Variants in RIC3 observed in about 807,000 individuals in gnomAD.
The protein encoded by RIC3 is RIC3 acetylcholine receptor chaperone, also known as protein RIC-3.
A neutral mutation model predicts 27.3 loss-of-function variants in RIC3; 28 were observed. That is an observed-to-expected ratio of 1.02 (90% CI 0.76 to 1.41). The LOEUF is 1.41. Among genes scored for constraint, RIC3 ranks in the 40% most tolerant of loss-of-function variants. The pLI is 0.00. For missense variants in RIC3, 501 were observed against 444.7 expected (o/e 1.13, Z -1.14); for synonymous variants, 184 against 160.4 (o/e 1.15, Z -1.11).
At position 8,110,517 on chromosome 11, in the gene RIC3, G is replaced by A; in HGVS notation, c.*181C>T. 1 of 690,592 alleles carries A rather than the reference G, an allele frequency of 1.4e-6. No individual in the cohort carries two copies. Among genetic ancestry groups the A allele is most frequent in the South Asian group, 1.6e-5 (1 of 63,762 alleles). The allele number at this position is 690,592 out of a possible 1,614,324, so 42.8% of individuals were successfully genotyped here. On this transcript the variant is annotated 3_prime_UTR_variant, in exon 6 of 6. Transcript: ENST00000309737. ...GTCCTGTGTTCACACTAATGTCCGT[G>A]TTTTACAAGGTGACAGGTGTGTGAG...
chr11:8,114,463 G>A (rs576441278), intron 5 of RIC3, among the ~76,000 whole-genome samples: 16 of 152,026 alleles, frequency 1.1e-4, no homozygotes, highest in Admixed American at 3.3e-4. Flanking sequence ...AAAATTAGCC[G>A]GGCGTGGTGG....
Position 8,140,027 on chromosome 11 carries a change from C to T in RIC3, c.291G>A (p.Gly97=), listed in dbSNP as rs2133913034. 1 of 1,613,968 alleles carries T rather than the reference C, an allele frequency of 6.2e-7. No homozygotes were observed. Among genetic ancestry groups the T allele is most frequent in the East Asian group, 2.2e-5 (1 of 44,858 alleles). Reference sequence around the variant, plus strand: ...CAAAACCGTAGATTGGAATAATCTGCCCCATCAGACCTCTTCCACTACCTC... The same window carrying T: ...CAAAACCGTAGATTGGAATAATCTGTCCCATCAGACCTCTTCCACTACCTC... The part of the protein sequence containing the change: ...GGGGSGRGLM[G]QIIPIYGFGI... Residue 97 remains glycine (G), a synonymous_variant, in exon 2 of 6, where the codon GGG becomes GGA. Transcript: ENST00000309737.
At chr11:8,104,134 C>T (rs1944421048), downstream of RIC3, 1 of 152,296 alleles carries the variant, frequency 6.6e-6, no homozygotes, top group African/African-American at 2.4e-5. Flanking sequence ...CCCTAGAAAC[C>T]ACCTGGGTTC....
intron 1 of RIC3, among the ~76,000 whole-genome samples, chr11:8,159,864 G>A (rs1185219374): frequency 6.6e-6 from 1 of 151,994 alleles, no homozygotes; most frequent in African/African-American, 2.4e-5. Flanking sequence ...CGTGGTGGTG[G>A]ATGCCTGTAA....
intron 1 of RIC3, among the ~76,000 whole-genome samples, chr11:8,153,947 A>G (rs66904272): frequency 0.071 from 10,880 of 152,270 alleles, 441 homozygotes; most frequent in South Asian, 0.11. Context: ...TGCATTTGGC[A>G]AAGATTTCTC....
the RIC3 span, among the ~76,000 whole-genome samples, chr11:8,093,040 G>A: frequency 1.3e-5 from 2 of 152,152 alleles, no homozygotes; most frequent in African/African-American, 4.8e-5. Context: ...GAGCACAAAT[G>A]GGTGTGGTCC....
At chr11:8,095,472 A>AACTC in the RIC3 span, 1 of 1,584,266 alleles carries the variant, frequency 6.3e-7, no homozygotes, top group Non-Finnish European at 8.6e-7. Flanking sequence ...TCCTGGATGT[A>AACTC]ACTCAGGCGT....
At chr11:8,154,387 A>G (rs1950489420) in intron 1 of RIC3, among the ~76,000 whole-genome samples, 1 of 152,240 alleles carries the variant, frequency 6.6e-6, no homozygotes, top group South Asian at 2.1e-4. Context: ...TATTGTGTAT[A>G]GGCAGTGGTG....
intron 1 of RIC3, among the ~76,000 whole-genome samples, chr11:8,158,526 G>C (rs923662040): frequency 2.6e-5 from 4 of 151,640 alleles, no homozygotes; most frequent in Admixed American, 6.6e-5. Context: ...GCTGACAATG[G>C]AACAACTGAC....
rs1015060113 is a variant in RIC3, at chr11:8,107,484, A to G, written c.*3214T>C. The G allele has an allele frequency of 1.3e-5, 2 of 152,224 alleles. No individual in the cohort carries two copies. The highest frequency in any genetic ancestry group is 4.8e-5 in the African/African-American group (2 of 41,442). The allele number at this position is 152,224 out of a possible 1,614,324, so 9.4% of individuals were successfully genotyped here. On this transcript the variant is annotated 3_prime_UTR_variant, in exon 6 of 6. Transcript: ENST00000309737. ...AGACAGGGGTGACCCTACGTCCAGG[A>G]CAGTCTTAGTTTATGCCTATCACCT... is the stretch of plus-strand genomic sequence containing the variant.
intron 1 of RIC3, among the ~76,000 whole-genome samples, chr11:8,155,532 C>A (rs1390161919): frequency 6.6e-6 from 1 of 151,962 alleles, no homozygotes; most frequent in Admixed American, 6.6e-5. Flanking sequence ...GCCAAAATCG[C>A]GCCACTGCAC....
chr11:8,128,649 G>A (rs553534650), intron 4 of RIC3, among the ~76,000 whole-genome samples: 6 of 151,032 alleles, frequency 4.0e-5, no homozygotes, highest in Non-Finnish European at 7.4e-5. Context: ...CAATAATTAC[G>A]TGTTAGTTTG....
rs1274405311 is a variant in RIC3, at chr11:8,106,468, ATGG to A, written c.*4227_*4229del. The A allele has an allele frequency of 6.6e-6, 1 of 152,224 alleles. No homozygotes were observed. Among genetic ancestry groups the A allele is most frequent in the Non-Finnish European group, 1.5e-5 (1 of 68,044 alleles). 9.4% of individuals were successfully genotyped at this position (152,224 alleles called of 1,614,324 possible). A position where few individuals can be genotyped will look rare whatever the true frequency, so the allele number is the denominator to read the frequency against. On this transcript the variant is annotated 3_prime_UTR_variant, in exon 6 of 6. Coordinates refer to ENST00000309737, the MANE Select transcript of RIC3 (RefSeq NM_001206671.4). Reference sequence around the variant, plus strand: ...AGAACCACACCCAGAGGCTGGAAAAATGGTGAAGTCAGAAGGTACTTAAGTTAG... The same window carrying A: ...AGAACCACACCCAGAGGCTGGAAAAATGAAGTCAGAAGGTACTTAAGTTAG...
the RIC3 span, chr11:8,096,661 C>G: frequency 6.7e-7 from 1 of 1,495,746 alleles, no homozygotes; most frequent in Non-Finnish European, 9.3e-7. Context: ...TCCTTCATCC[C>G]TTCTTCTTCT....
At chr11:8,097,630 GGA>G in the RIC3 span, 5 of 1,355,364 alleles carry the variant, frequency 3.7e-6, no homozygotes, top group South Asian at 1.3e-5. Context: ...CTGACGCAAC[GGA>G]GAGAGTCTGT....
intron 1 of RIC3, among the ~76,000 whole-genome samples, chr11:8,152,656 T>G (rs961447320): frequency 6.6e-6 from 1 of 152,160 alleles, no homozygotes; most frequent in African/African-American, 2.4e-5. Context: ...TAAAATTGAC[T>G]GTAGTGATAG....
intron 1 of RIC3, among the ~76,000 whole-genome samples, chr11:8,140,990 T>C (rs907529722): frequency 1.3e-5 from 2 of 148,920 alleles, no homozygotes; most frequent in South Asian, 2.2e-4. Flanking sequence ...CTGAGAGATT[T>C]TGTCACCACC....
intron 4 of RIC3, among the ~76,000 whole-genome samples, chr11:8,133,697 A>C (rs1528126): frequency 5.9e-5 from 9 of 152,230 alleles, no homozygotes; most frequent in African/African-American, 1.7e-4. Flanking sequence ...CTCCAGATGT[A>C]GTACAGTGAC....
chr11:8,159,125 G>C (rs374855629), intron 1 of RIC3, among the ~76,000 whole-genome samples: 1 of 151,264 alleles, frequency 6.6e-6, no homozygotes, highest in Non-Finnish European at 1.5e-5. Context: ...GGGTAGGACC[G>C]TGTTGGAAGT....
Sources: allele counts gnomAD v4.1 joint callset (sites outside exome capture counted in the v4.1 genomes callset), GRCh38; gene constraint gnomAD v4.1.1; transcripts MANE v1.5; gene names NCBI Gene and HGNC (gene_info 2026-07-23, HGNC 2026-07-21).